VWA5B2: variants seen among roughly 807,000 people sequenced by gnomAD.
The protein encoded by VWA5B2 is von Willebrand factor A domain containing 5B2, also known as von Willebrand factor A domain-containing protein 5B2.
Under a neutral mutation model 118.5 loss-of-function variants are expected in VWA5B2, and 93 were observed. The observed-to-expected ratio is 0.79, with a 90% CI of 0.66 to 0.93. The LOEUF is 0.93. VWA5B2 is among the 40% of genes least tolerant of loss of function. VWA5B2 has a pLI of 0.00. For synonymous variants in VWA5B2, 708 were observed against 716.3 expected (o/e 0.99, Z 0.19); for missense variants, 1,546 against 1,672.8 (o/e 0.92, Z 1.32).
chr3:184,232,077 G>A (rs1261685691), intron 3 of VWA5B2, among the ~76,000 whole-genome samples: 1 of 152,152 alleles, frequency 6.6e-6, no homozygotes, highest in East Asian at 1.9e-4. Context: ...ACAATCGCTA[G>A]TATCACCTCA....
rs942998005 is a variant in VWA5B2, at chr3:184,230,857, G to T, written c.250G>T (p.Ala84Ser). Reference sequence around the variant, plus strand: ...GCAGAGCCGGCGCCGCTCGCAGGCCGCCTGCTGCCGCGCTCTGGGCCCGGG... The same window carrying T: ...GCAGAGCCGGCGCCGCTCGCAGGCCTCCTGCTGCCGCGCTCTGGGCCCGGG... ...QLQSRRRSQAACCRALGPGLG... is the reference protein window; with the variant it reads ...QLQSRRRSQASCCRALGPGLG... The change falls in exon 3 of 20, where the codon GCC (alanine) becomes TCC (serine). Residue 84 changes from alanine to serine, a missense_variant. By Grantham distance (99) the Ala-to-Ser change is moderately conservative. Around this residue, in one of 3 missense-constraint regions of VWA5B2, gnomAD observed 775 missense variants for 882.3 expected, o/e 0.88. Coordinates refer to ENST00000691901, the MANE Select transcript of VWA5B2 (RefSeq NM_001390846.1). 1.5e-4 allele frequency: 189 copies of T among 1,241,780 alleles called. 1 individual carries two copies. Among genetic ancestry groups the T allele is most frequent in the Admixed American group, 6.8e-4 (16 of 23,648 alleles). 76.9% of individuals were successfully genotyped at this position (1,241,780 alleles called of 1,614,324 possible).
chr3:184,236,551 G>A lies in VWA5B2; in HGVS notation c.1421G>A (p.Arg474Lys). ...ELMRWHRGTA[R>K]CFSFGLGPTC... ...ATGAGGTGGCACAGGGGGACAGCCAGGTATGGGATGGGCAGAACCAGATGC... is the reference window on the plus strand; with the variant it reads ...ATGAGGTGGCACAGGGGGACAGCCAAGTATGGGATGGGCAGAACCAGATGC... The change falls in exon 10 of 20, where the codon AGA becomes AAA. Residue 474 changes from arginine (R) to lysine (K), a missense_variant and splice_region_variant. Transcript: ENST00000691901. 6.4e-7 allele frequency: 1 copy of A among 1,550,950 alleles called. No individual in the cohort carries two copies. Among genetic ancestry groups the A allele is most frequent in the Non-Finnish European group, 8.7e-7 (1 of 1,146,866 alleles).
In VWA5B2 at chr3:184,233,067, C is replaced by T. The variant is rs554945921; in HGVS notation, c.311-111C>T. On this transcript the variant is annotated intron_variant, in intron 3 of 19. Coordinates refer to ENST00000691901, the MANE Select transcript of VWA5B2 (RefSeq NM_001390846.1). This position sits in a 1 kb window ranked among gnomAD's most constrained non-coding sequence, Gnocchi z 5.2. Reference sequence around the variant, plus strand: ...CCAATGCATTAGCCTAGTGCCAACACGCAAAGTCCCCCTTGCCCAGGCTCC... The same window carrying T: ...CCAATGCATTAGCCTAGTGCCAACATGCAAAGTCCCCCTTGCCCAGGCTCC... 2.9e-5 allele frequency: 27 copies of T among 946,626 alleles called. No homozygotes were observed. The highest frequency in any genetic ancestry group is 6.6e-5 in the African/African-American group (4 of 60,520). The allele number at this position is 946,626 out of a possible 1,614,324, so 58.6% of individuals were successfully genotyped here.
Position 184,239,969 on chromosome 3 carries a change from A to G in VWA5B2, c.2673A>G (p.Ala891=), listed in dbSNP as rs567183150. ...AWDQALHRLT[A]ASVVRDNEQL... ...ACCAAGCACTCCATCGGCTGACAGC[A>G]GCCTCTGTGGTCCGGGACAATGAGC... is the stretch of plus-strand genomic sequence containing the variant. Residue 891 remains alanine (A), a synonymous_variant, in exon 16 of 20, where the codon GCA becomes GCG. Coordinates refer to ENST00000691901, the MANE Select transcript of VWA5B2 (RefSeq NM_001390846.1). The surrounding 1 kb of genome is among the most constrained non-coding windows in gnomAD (Gnocchi z 5.1). The G allele has an allele frequency of 1.3e-6, 2 of 1,551,062 alleles. No homozygotes were observed. The highest frequency in any genetic ancestry group is 1.2e-5 in the South Asian group (1 of 84,054).
rs750905791 is a variant in VWA5B2 at position 184,235,472 on chromosome 3, C to T, written c.1101+164C>T. 6.4e-4 allele frequency among the ~76,000 whole-genome samples: 97 copies of T among 152,292 alleles called. 1 individual carries two copies. The highest frequency in any genetic ancestry group is 1.1e-3 in the Non-Finnish European group (74 of 68,020). On this transcript the variant is annotated intron_variant, in intron 8 of 19. Coordinates refer to ENST00000691901, the MANE Select transcript of VWA5B2 (RefSeq NM_001390846.1). ...CTCCTCAGGGGATTCCCTTAGACAGCAGCCCTGCTCCAACCGCCAAACAGA... is the reference window on the plus strand; with the variant it reads ...CTCCTCAGGGGATTCCCTTAGACAGTAGCCCTGCTCCAACCGCCAAACAGA...
Position 184,237,500 on chromosome 3 carries a change from T to G in VWA5B2, c.1719+89T>G. 1.5e-6 allele frequency: 2 copies of G among 1,348,856 alleles called. No individual in the cohort carries two copies. The highest frequency in any genetic ancestry group is 2.0e-6 in the Non-Finnish European group (2 of 996,614). 83.6% of individuals were successfully genotyped at this position (1,348,856 alleles called of 1,614,324 possible). ...AGTCCCCGCATCTCTTCCAAACCCT[T>G]TTTCCATTCTCTGTGCCTCTCTCTA... On this transcript the variant is annotated intron_variant, in intron 12 of 19. Transcript: ENST00000691901. This position sits in a 1 kb window ranked among gnomAD's most constrained non-coding sequence, Gnocchi z 5.6.
In VWA5B2 at chr3:184,241,001, T is replaced by C; in HGVS notation, c.2879-23T>C. 1 of 1,551,472 alleles carries C rather than the reference T, an allele frequency of 6.4e-7. No homozygotes were observed. The highest frequency in any genetic ancestry group is 8.7e-7 in the Non-Finnish European group (1 of 1,146,918). ...GGCCACTCTCCTGGACAAACCTGAC[T>C]CCTGTCCCATGTGCCCCTGCAGAGC... is the stretch of plus-strand genomic sequence containing the variant. On this transcript the variant is annotated intron_variant, in intron 17 of 19. Coordinates refer to ENST00000691901, the MANE Select transcript of VWA5B2 (RefSeq NM_001390846.1). The surrounding 1 kb of genome is among the most constrained non-coding windows in gnomAD (Gnocchi z 5.1).
Position 184,242,094 on chromosome 3 carries a change from C to A in VWA5B2, c.*56C>A. 2 of 1,532,364 alleles carry A rather than the reference C, an allele frequency of 1.3e-6. No individual in the cohort carries two copies. The highest frequency in any genetic ancestry group is 1.2e-5 in the South Asian group (1 of 82,758). 94.9% of individuals were successfully genotyped at this position (1,532,364 alleles called of 1,614,324 possible). A position where few individuals can be genotyped will look rare whatever the true frequency, so the allele number is the denominator to read the frequency against. ...CCACCCAACACACTCAAGTCACTGC[C>A]GCCCAGGGCTGGCCTCTTGGTGCTG... On this transcript the variant is annotated 3_prime_UTR_variant, in exon 20 of 20. Coordinates refer to ENST00000691901, the MANE Select transcript of VWA5B2 (RefSeq NM_001390846.1).
In VWA5B2 at chr3:184,233,915, A is replaced by G. The variant is rs1031349466; in HGVS notation, c.688+182A>G. Among the ~76,000 whole-genome samples the G allele has an allele frequency of 6.6e-6, 1 of 151,908 alleles. No homozygotes were observed. Among genetic ancestry groups the G allele is most frequent in the East Asian group, 1.9e-4 (1 of 5,194 alleles). On this transcript the variant is annotated intron_variant, in intron 5 of 19. Transcript: ENST00000691901. The surrounding 1 kb of genome is among the most constrained non-coding windows in gnomAD (Gnocchi z 5.2). Reference sequence around the variant, plus strand: ...CTGGTCACCTCTACCCAACACACACACCCCAATTTTATCAAGGTAATTTAT... The same window carrying G: ...CTGGTCACCTCTACCCAACACACACGCCCCAATTTTATCAAGGTAATTTAT...
chr3:184,230,174 G>C (rs1467943068), intron 1 of VWA5B2, among the ~76,000 whole-genome samples: 1 of 152,156 alleles, frequency 6.6e-6, no homozygotes. Flanking sequence ...CGGCAGGTAC[G>C]GGGGTGGCTG....
rs1199067455 is a variant in VWA5B2 at position 184,236,146 on chromosome 3, C to A, written c.1102-6C>A. ...GCCTCACGCCGCCCTCCCTGGCCCT[C>A]CACAGGATGCCATTGTTTTGGCTGT... On this transcript the variant is annotated splice_region_variant and splice_polypyrimidine_tract_variant and intron_variant, in intron 8 of 19. Transcript: ENST00000691901. 3 of 1,551,078 alleles carry A rather than the reference C, an allele frequency of 1.9e-6. No individual in the cohort carries two copies. The South Asian group carries it at 3.6e-5, about 18-fold the overall frequency.
At chr3:184,235,360 T>C in intron 8 of VWA5B2, 52 bp downstream of exon 8, 2 of 1,530,672 alleles carry the variant, frequency 1.3e-6, no homozygotes, top group Non-Finnish European at 1.8e-6. Context: ...GGGCAGTGGG[T>C]CTGAGGAGGG....
intron 8 of VWA5B2, 74 bp from the exon 9 acceptor site, chr3:184,236,078 G>C: frequency 3.8e-6 from 5 of 1,327,914 alleles, no homozygotes; most frequent in Non-Finnish European, 5.3e-6. Context: ...GGATAACGCA[G>C]TGATCTGGCT....
chr3:184,230,610 T>G lies in VWA5B2; in HGVS notation c.82T>G (p.Cys28Gly). ...GGTCCGGGCCTGCGCCAACGGCCCC[T>G]GCCTCAGCGTGCGGGCCCGGCTCAC... is the stretch of plus-strand genomic sequence containing the variant. The part of the protein sequence containing the change: ...SWVRACANGP[C>G]LSVRARLTYR... The change falls in exon 2 of 20, where the codon TGC (cysteine) becomes GGC (glycine). Residue 28 changes from cysteine (C) to glycine (G), a missense_variant. By Grantham distance (159) the Cys-to-Gly change is radical. Transcript: ENST00000691901. 8 of 1,438,246 alleles carry G rather than the reference T, an allele frequency of 5.6e-6. No individual in the cohort carries two copies. Among genetic ancestry groups the G allele is most frequent in the Non-Finnish European group, 7.3e-6 (8 of 1,101,642 alleles). The allele number at this position is 1,438,246 out of a possible 1,614,324, so 89.1% of individuals were successfully genotyped here.
rs1335256033 is a variant in VWA5B2, at chr3:184,235,284, G to T, written c.1077G>T (p.Leu359Phe). The T allele has an allele frequency of 6.4e-7, 1 of 1,551,574 alleles. No homozygotes were observed. The highest frequency in any genetic ancestry group is 2.4e-5 in the East Asian group (1 of 40,918). Residue 359 changes from leucine to phenylalanine, a missense_variant, in exon 8 of 20, where the codon TTG becomes TTT. Leu to Phe is a conservative substitution (Grantham distance 22, BLOSUM62 0). Transcript: ENST00000691901. ...CTACTCGGGAGCTACTCTTCCTTTT[G>T]GATAGCAGCAGCGTGGCACACAAGG... ...GTATRELLFLLDSSSVAHKDA... is the reference protein window; with the variant it reads ...GTATRELLFLFDSSSVAHKDA...
chr3:184,237,666 A>G lies in VWA5B2; in HGVS notation c.1719+255A>G, dbSNP rs1718140901. Among the ~76,000 whole-genome samples the G allele has an allele frequency of 1.3e-5, 2 of 152,184 alleles. No individual in the cohort carries two copies. The highest frequency in any genetic ancestry group is 1.3e-4 in the Admixed American group (2 of 15,288). ...CCCTCAGTTTTTACCCAAGGTCACT[A>G]AAGCACACAGCCACAGAAAACAGCA... On this transcript the variant is annotated intron_variant, in intron 12 of 19. Coordinates refer to ENST00000691901, the MANE Select transcript of VWA5B2 (RefSeq NM_001390846.1). This position sits in a 1 kb window ranked among gnomAD's most constrained non-coding sequence, Gnocchi z 5.6.
chr3:184,239,282 G>A lies in VWA5B2; in HGVS notation c.2203-112G>A, dbSNP rs1462658744. ...GAACTTGGCCTTCCTCCTCAAGCTG[G>A]TGAGCGGCCACCCAGGGTTTCAGAA... On this transcript the variant is annotated intron_variant, in intron 14 of 19. Coordinates refer to ENST00000691901, the MANE Select transcript of VWA5B2 (RefSeq NM_001390846.1). This position sits in a 1 kb window ranked among gnomAD's most constrained non-coding sequence, Gnocchi z 5.1. The A allele has an allele frequency of 3.2e-6, 4 of 1,249,208 alleles. No individual in the cohort carries two copies. Among genetic ancestry groups the A allele is most frequent in the Admixed American group, 3.2e-5 (1 of 31,418 alleles). The allele number at this position is 1,249,208 out of a possible 1,614,324, so 77.4% of individuals were successfully genotyped here.
chr3:184,242,017 C>CTACA lies in VWA5B2; in HGVS notation c.3709_3712dup (p.Ser1238IlefsTer38). 6.5e-7 allele frequency: 1 copy of CTACA among 1,550,042 alleles called. No individual in the cohort carries two copies. Among genetic ancestry groups the CTACA allele is most frequent in the Non-Finnish European group, 8.7e-7 (1 of 1,146,910 alleles). On this transcript the variant is annotated frameshift_variant, in exon 20 of 20. Transcript: ENST00000691901. LOFTEE classifies it high-confidence loss of function. ...AAAACCTGCAGCTACACCTGCTGTG[C>CTACA]TACAGCCCAGCGAACGTGTGAAGGC...
chr3:184,240,804 G>A lies in VWA5B2; in HGVS notation c.2754G>A (p.Arg918=), dbSNP rs1028563537. Residue 918 remains arginine, a synonymous_variant, in exon 17 of 20, where the codon AGG becomes AGA. Transcript: ENST00000691901. The stretch of plus-strand genomic sequence containing the variant: ...TTGGTTCCACAGGCCATGCCCGGAG[G>A]TGCTGGCTTCGAGCCCTTCAGACAA... ...ETTADRGHAR[R]CWLRALQTSK... 15 of 1,551,014 alleles carry A rather than the reference G, an allele frequency of 9.7e-6. No individual in the cohort carries two copies. The highest frequency in any genetic ancestry group is 3.9e-5 in the Admixed American group (2 of 50,980).
Sources: allele counts gnomAD v4.1 joint callset (sites outside exome capture counted in the v4.1 genomes callset), GRCh38; gene constraint gnomAD v4.1.1; regional missense constraint gnomAD v4.1.1; non-coding constraint Gnocchi (gnomAD v3.1); transcripts MANE v1.5; gene names NCBI Gene and HGNC (gene_info 2026-07-23, HGNC 2026-07-21).